Variants in CDKAL1 observed in about 807,000 individuals in gnomAD.
The protein encoded by CDKAL1 is CDKAL1 threonylcarbamoyladenosine tRNA methylthiotransferase, also known as threonylcarbamoyladenosine tRNA methylthiotransferase.
In CDKAL1, 32 loss-of-function variants were observed where a neutral mutation model predicts 68.2. The ratio of observed to expected loss-of-function variants is 0.47; its 90% CI spans 0.35 to 0.63. CDKAL1 has a LOEUF of 0.63. Ranked by LOEUF, CDKAL1 falls within the 30% of genes least tolerant of loss-of-function variation. The probability of loss-of-function intolerance (pLI) is 0.00; values close to 1 mark genes in which losing one functional copy is unlikely to be tolerated. For missense variants in CDKAL1, 606 were observed against 696.7 expected (o/e 0.87, Z 1.47); for synonymous variants, 234 against 244.3 (o/e 0.96, Z 0.39).
In CDKAL1 at chr6:21,145,647, CT is replaced by C. The variant is rs1366491925; in HGVS notation, c.1299+37187del. Among the ~76,000 whole-genome samples, 3 of 152,230 alleles carry C rather than the reference CT, an allele frequency of 2.0e-5. No homozygotes were observed. The East Asian group carries it at 5.8e-4, about 29-fold the overall frequency. On this transcript the variant is annotated intron_variant, in intron 13 of 15. Coordinates refer to ENST00000274695, the MANE Select transcript of CDKAL1 (RefSeq NM_017774.3). ...TAATTAGAAAGAATCACACAGATCA[CT>C]TTAACCACTTCACAGTCCAAAGAAG...
At chr6:20,908,805 A>T (rs1762340098) in intron 9 of CDKAL1, among the ~76,000 whole-genome samples, 1 of 152,208 alleles carries the variant, frequency 6.6e-6, no homozygotes, top group Non-Finnish European at 1.5e-5. Flanking sequence ...GACAGTTCTT[A>T]TTAAAATTTA....
At chr6:20,739,443 A>C (rs143500001) in intron 5 of CDKAL1, 76 bp from the exon 6 acceptor site, 4 of 816,184 alleles carry the variant, frequency 4.9e-6, no homozygotes, top group African/African-American at 1.7e-5. Context: ...TGGAGAACTA[A>C]TATGCACTAA....
chr6:20,968,518 C>T (rs1240642199), intron 10 of CDKAL1, among the ~76,000 whole-genome samples: 1 of 152,024 alleles, frequency 6.6e-6, no homozygotes, highest in Non-Finnish European at 1.5e-5. Flanking sequence ...AATATTCTTT[C>T]TGCTCCTTTC....
At chr6:20,612,752 C>A (rs1379837552) in intron 4 of CDKAL1, among the ~76,000 whole-genome samples, 1 of 151,974 alleles carries the variant, frequency 6.6e-6, no homozygotes, top group African/African-American at 2.4e-5. Context: ...TGATGTAAAA[C>A]CATTTGTCTA....
intron 9 of CDKAL1, among the ~76,000 whole-genome samples, chr6:20,847,106 T>A (rs1778403530): frequency 6.6e-6 from 1 of 152,214 alleles, no homozygotes; most frequent in African/African-American, 2.4e-5. Context: ...TTTCTCTTAA[T>A]AGAGAAAAAT....
chr6:20,811,355 C>T (rs180802813), intron 8 of CDKAL1, among the ~76,000 whole-genome samples: 6 of 152,308 alleles, frequency 3.9e-5, no homozygotes, highest in African/African-American at 9.6e-5. Flanking sequence ...AATGTCGAGA[C>T]GCTGAGGTCA....
chr6:21,179,339 T>C (rs2151084475), intron 13 of CDKAL1, among the ~76,000 whole-genome samples: 1 of 152,344 alleles, frequency 6.6e-6, no homozygotes, highest in Admixed American at 6.5e-5. Flanking sequence ...AGATGTTTCC[T>C]TCATTTATCA....
intron 12 of CDKAL1, among the ~76,000 whole-genome samples, chr6:21,085,602 G>A (rs1474328779): frequency 2.0e-5 from 3 of 152,182 alleles, no homozygotes; most frequent in Non-Finnish European, 4.4e-5. Flanking sequence ...AGTGAGGTAT[G>A]AGATGTTTTT....
chr6:20,811,785 T>TAA (rs370931927), intron 8 of CDKAL1, among the ~76,000 whole-genome samples: 2,221 of 103,572 alleles, frequency 0.021, 23 homozygotes, highest in Non-Finnish European at 0.035. Context: ...TACCTAGTAG[T>TAA]AAAAAAAAAA....
Position 21,180,344 on chromosome 6 carries a change from CT to C in CDKAL1, c.1300-17662del, listed in dbSNP as rs34495587. The stretch of plus-strand genomic sequence containing the variant: ...CAGTGACTCTGAGACCTTTAAGTTT[CT>C]TTTTTTTTTTTTTTGACCTTTAAGT... On this transcript the variant is annotated intron_variant, in intron 13 of 15. Coordinates refer to ENST00000274695, the MANE Select transcript of CDKAL1 (RefSeq NM_017774.3). Among the ~76,000 whole-genome samples, 350 of 140,684 alleles carry C rather than the reference CT, an allele frequency of 2.5e-3. 1 individual carries two copies. The highest frequency in any genetic ancestry group is 4.0e-3 in the Admixed American group (57 of 14,152). 92.3% of individuals were successfully genotyped at this position (140,684 alleles called of 152,430 possible). A position where few individuals can be genotyped will look rare whatever the true frequency, so the allele number is the denominator to read the frequency against.
chr6:20,849,953 T>C (rs1016721742), intron 9 of CDKAL1, among the ~76,000 whole-genome samples: 4 of 152,214 alleles, frequency 2.6e-5, no homozygotes, highest in African/African-American at 9.6e-5. Flanking sequence ...AATGCTGTTA[T>C]AGAAATCCTA....
intron 10 of CDKAL1, among the ~76,000 whole-genome samples, chr6:20,994,846 G>A (rs554786884): frequency 9.2e-5 from 14 of 152,272 alleles, no homozygotes; most frequent in Non-Finnish European, 1.8e-4. Context: ...GTCTTGCCAC[G>A]ATGTTGATGG....
At chr6:20,844,132 CA>C (rs1029939990) in intron 8 of CDKAL1, among the ~76,000 whole-genome samples, 113 of 152,192 alleles carry the variant, frequency 7.4e-4, no homozygotes, top group African/African-American at 2.7e-3. Flanking sequence ...AAATTGTAAA[CA>C]AGGATGAAAG....
intron 9 of CDKAL1, among the ~76,000 whole-genome samples, chr6:20,900,346 T>A (rs956039652): frequency 2.0e-5 from 3 of 152,244 alleles, no homozygotes; most frequent in Non-Finnish European, 4.4e-5. Flanking sequence ...ATTTAAAAGA[T>A]AGTCTTCCAA....
intron 10 of CDKAL1, among the ~76,000 whole-genome samples, chr6:20,996,069 C>T (rs1021375603): frequency 6.6e-6 from 1 of 152,242 alleles, no homozygotes; most frequent in Non-Finnish European, 1.5e-5. Context: ...CCAACCTCTT[C>T]TAGCTTCAAA....
At chr6:20,870,109 C>T (rs556036497) in intron 9 of CDKAL1, among the ~76,000 whole-genome samples, 11 of 152,178 alleles carry the variant, frequency 7.2e-5, no homozygotes, top group East Asian at 5.8e-4. Context: ...AAATGGAAAA[C>T]GAGAGAAAAA....
chr6:21,166,791 A>T (rs1777173260), intron 13 of CDKAL1, among the ~76,000 whole-genome samples: 3 of 152,242 alleles, frequency 2.0e-5, no homozygotes, highest in South Asian at 4.1e-4. Context: ...AGTAACTGTG[A>T]TGCAGAAGTT....
chr6:20,659,609 TCTGTATG>T (rs1397170712), intron 5 of CDKAL1, among the ~76,000 whole-genome samples: 4 of 152,206 alleles, frequency 2.6e-5, no homozygotes, highest in African/African-American at 9.6e-5. Flanking sequence ...TTGGATATTG[TCTGTATG>T]CTGATTTCTC....
chr6:20,662,054 T>C (rs1769307689), intron 5 of CDKAL1, among the ~76,000 whole-genome samples: 2 of 152,180 alleles, frequency 1.3e-5, no homozygotes, highest in African/African-American at 2.4e-5. Flanking sequence ...ATTCTACTTA[T>C]TCTTGGTGTG....
Sources: gnomAD v4.1 joint callset for allele counts (sites outside exome capture counted in the v4.1 genomes callset) on GRCh38, gnomAD v4.1.1 for gene constraint, MANE v1.5 for transcripts, NCBI Gene and HGNC (gene_info 2026-07-23, HGNC 2026-07-21) for gene names.